The following CRACR2A variants were observed in gnomAD, a reference collection of about 807,000 sequenced individuals.
The protein encoded by CRACR2A is calcium release activated channel regulator 2A.
In CRACR2A, 79 loss-of-function variants were observed where a neutral mutation model predicts 90.5. The ratio of observed to expected loss-of-function variants is 0.87; its 90% confidence interval spans 0.73 to 1.05. CRACR2A has a LOEUF of 1.05. CRACR2A is among the 50% of genes least tolerant of loss of function. The pLI is 0.00. For synonymous variants in CRACR2A, 338 were observed against 356.7 expected (o/e 0.95, Z 0.59); for missense variants, 823 against 897.2 (o/e 0.92, Z 1.06).
chr12:3,648,703 T>A, intron 10 of CRACR2A, 90 bp from the exon 11 acceptor site: 1 of 1,517,700 alleles, frequency 6.6e-7, no homozygotes, highest in Non-Finnish European at 8.9e-7. Flanking sequence ...GGTGATGCCG[T>A]GCTGGGGATG....
At chr12:3,653,290 T>A (rs77293352) in intron 10 of CRACR2A, among the ~76,000 whole-genome samples, 4,388 of 152,226 alleles carry the variant, frequency 0.029, 203 homozygotes, top group African/African-American at 0.099. Context: ...CCAGGATGAT[T>A]TAAAGATCAA....
intron 17 of CRACR2A, among the ~76,000 whole-genome samples, chr12:3,622,319 G>A (rs1025443887): frequency 1.9e-4 from 29 of 152,318 alleles, no homozygotes; most frequent in African/African-American, 5.8e-4. Context: ...CTCTTTAGGA[G>A]ATGTGGGTTC....
chr12:3,698,032 A>T (rs1470991866), intron 3 of CRACR2A, among the ~76,000 whole-genome samples: 1 of 152,182 alleles, frequency 6.6e-6, no homozygotes, highest in Non-Finnish European at 1.5e-5. Context: ...TATGAGGAGA[A>T]CACTGGACCT....
rs371223962 is a variant in CRACR2A at position 3,697,032 on chromosome 12, G to C, written c.-33C>G. 7.0e-6 allele frequency: 11 copies of C among 1,569,624 alleles called. No homozygotes were observed. The highest frequency in any genetic ancestry group is 1.9e-5 in the Admixed American group (1 of 53,488). ...AGTCAGTTTCTTGAAGTCTTTTTCA[G>C]AACCTGAACATAGAAAATGGGAGAG... is the stretch of plus-strand genomic sequence containing the variant. On this transcript the variant is annotated 5_prime_UTR_variant, in exon 4 of 20. Coordinates refer to ENST00000440314, the MANE Select transcript of CRACR2A (RefSeq NM_001144958.2).
At chr12:3,680,135 G>T in intron 5 of CRACR2A, 103 bp downstream of exon 5, 1 of 903,216 alleles carries the variant, frequency 1.1e-6, no homozygotes, top group Non-Finnish European at 1.7e-6. Context: ...GGGCAGGAAA[G>T]CTTTACTACC....
intron 4 of CRACR2A, among the ~76,000 whole-genome samples, chr12:3,691,142 C>A (rs1294182809): frequency 1.3e-5 from 2 of 152,114 alleles, no homozygotes; most frequent in African/African-American, 4.8e-5. Context: ...GGGCATTTAG[C>A]CTGTTTATAT....
intron 4 of CRACR2A, among the ~76,000 whole-genome samples, chr12:3,694,089 C>T (rs1945698153): frequency 6.6e-6 from 1 of 152,154 alleles, no homozygotes; most frequent in South Asian, 2.1e-4. Flanking sequence ...GCAGGATTCC[C>T]AGCTTCCTCC....
chr12:3,634,638 C>T (rs978677183), intron 14 of CRACR2A, among the ~76,000 whole-genome samples: 1 of 152,210 alleles, frequency 6.6e-6, no homozygotes, highest in African/African-American at 2.4e-5. Flanking sequence ...CCCAGCTCAG[C>T]GTTGCCTGGT....
At chr12:3,677,707 C>T (rs374244390) in intron 6 of CRACR2A, among the ~76,000 whole-genome samples, 4 of 152,300 alleles carry the variant, frequency 2.6e-5, no homozygotes, top group African/African-American at 9.6e-5. Flanking sequence ...CACCTGTGCC[C>T]CTTCCACCTG....
chr12:3,668,298 G>A (rs1945182625), intron 7 of CRACR2A, among the ~76,000 whole-genome samples: 1 of 152,176 alleles, frequency 6.6e-6, no homozygotes, highest in African/African-American at 2.4e-5. Context: ...GATTCTGGAA[G>A]AACTGGCTAA....
intron 3 of CRACR2A, among the ~76,000 whole-genome samples, chr12:3,697,622 G>C (rs1404764536): frequency 6.6e-6 from 1 of 152,192 alleles, no homozygotes; most frequent in Non-Finnish European, 1.5e-5. Context: ...GCATTGCTGA[G>C]GGTGGAAAGC....
chr12:3,629,770 C>T (rs974247781), intron 15 of CRACR2A, among the ~76,000 whole-genome samples: 3 of 149,348 alleles, frequency 2.0e-5, no homozygotes, highest in South Asian at 2.1e-4. Context: ...TTTCTCTCTG[C>T]AGCCTCAGAC....
intron 4 of CRACR2A, among the ~76,000 whole-genome samples, chr12:3,684,099 T>C (rs1241962718): frequency 1.3e-5 from 2 of 152,304 alleles, no homozygotes; most frequent in East Asian, 3.9e-4. Context: ...TTAAAGTGTA[T>C]GGTTGCACAG....
At chr12:3,632,576 G>A (rs1428013455) in intron 15 of CRACR2A, among the ~76,000 whole-genome samples, 2 of 152,114 alleles carry the variant, frequency 1.3e-5, no homozygotes, top group Non-Finnish European at 1.5e-5. Context: ...GGGGTGCTAA[G>A]TGCATACAAC....
intron 5 of CRACR2A, among the ~76,000 whole-genome samples, chr12:3,679,814 G>A (rs1945413270): frequency 6.6e-6 from 1 of 152,200 alleles, no homozygotes; most frequent in African/African-American, 2.4e-5. Context: ...TCTGATAGCT[G>A]TTATCCCTCA....
chr12:3,732,366 T>A (rs1458653823), intron 2 of CRACR2A: 1 of 152,264 alleles, frequency 6.6e-6, no homozygotes, highest in Non-Finnish European at 1.5e-5. Flanking sequence ...CCCCCAGCCC[T>A]CACCCACGAC....
intron 18 of CRACR2A, among the ~76,000 whole-genome samples, chr12:3,617,858 G>A (rs1459624047): frequency 1.3e-5 from 2 of 152,048 alleles, no homozygotes; most frequent in Non-Finnish European, 2.9e-5. Flanking sequence ...AGGAGGCTCT[G>A]CCATGCTCCC....
chr12:3,724,500 T>C (rs1946233144), intron 2 of CRACR2A, among the ~76,000 whole-genome samples: 1 of 152,296 alleles, frequency 6.6e-6, no homozygotes, highest in East Asian at 1.9e-4. Flanking sequence ...ACAGCTGGCA[T>C]TGTGTGTGCT....
chr12:3,684,096 G>A (rs1440489852), intron 4 of CRACR2A, among the ~76,000 whole-genome samples: 1 of 152,176 alleles, frequency 6.6e-6, no homozygotes, highest in East Asian at 1.9e-4. Flanking sequence ...AGCTTAAAGT[G>A]TATGGTTGCA....
Sources: allele counts gnomAD v4.1 joint callset (sites outside exome capture counted in the v4.1 genomes callset), GRCh38; gene constraint gnomAD v4.1.1; transcripts MANE v1.5; gene names NCBI Gene and HGNC (gene_info 2026-07-23, HGNC 2026-07-21).